Variants in RBFOX1 observed in about 807,000 individuals in gnomAD.
The protein encoded by RBFOX1 is RNA binding fox-1 homolog 1, also known as RNA binding protein fox-1 homolog 1.
Under a neutral mutation model 57.7 loss-of-function variants are expected in RBFOX1, and 8 were observed. The observed-to-expected ratio is 0.14, with a 90% CI of 0.08 to 0.25. The LOEUF (loss-of-function observed/expected upper bound fraction) is 0.25, where lower values mean the gene tolerates loss of function less well. RBFOX1 is among the 10% of genes least tolerant of loss of function. RBFOX1 has a pLI of 1.00. For synonymous variants in RBFOX1, 326 were observed against 222.4 expected (o/e 1.47, Z -4.15); for missense variants, 611 against 548.5 (o/e 1.11, Z -1.14).
chr16:7,170,607 T>A (rs1601754060), intron 4 of RBFOX1, among the ~76,000 whole-genome samples: 1 of 152,206 alleles, frequency 6.6e-6, no homozygotes, highest in South Asian at 2.1e-4. Context: ...GATCACCTGT[T>A]TAATTCTCAC....
chr16:5,299,419 G>A (rs1401284826), intron 1 of RBFOX1, among the ~76,000 whole-genome samples: 1 of 152,170 alleles, frequency 6.6e-6, no homozygotes, highest in African/African-American at 2.4e-5. Context: ...AACTTTGTGT[G>A]AACATATTCT....
rs371340930 is a variant in RBFOX1 at position 6,007,276 on chromosome 16, G to A, written c.351+139941G>A. Among the ~76,000 whole-genome samples the A allele has an allele frequency of 5.5e-4, 83 of 152,278 alleles. 1 individual carries two copies. Among genetic ancestry groups the A allele is most frequent in the African/African-American group, 1.5e-3 (64 of 41,558 alleles). ...AGTCATAAGAAGAAGTCAGTTTCCC[G>A]CTTGGATGCTTGCTCTCCTGCTCTA... On this transcript the variant is annotated intron_variant, in intron 4 of 19. Coordinates refer to the RBFOX1 transcript ENST00000641259.
At chr16:7,435,251 G>A (rs956697311) in intron 4 of RBFOX1, among the ~76,000 whole-genome samples, 3 of 151,658 alleles carry the variant, frequency 2.0e-5, no homozygotes, top group Non-Finnish European at 2.9e-5. Flanking sequence ...GTCTTTTTTG[G>A]AGTACTAAGC....
At position 7,136,473 on chromosome 16, in the gene RBFOX1, G is replaced by C. The variant is rs149495574; in HGVS notation, c.27+84375G>C. On this transcript the variant is annotated intron_variant, in intron 4 of 15. Coordinates refer to ENST00000550418, the MANE Select transcript of RBFOX1 (RefSeq NM_018723.4). ...CCAGGCTGGAGGGCAGTGGTGCAATGATGGTGCAATACAGCCTTAAACTCC... is the reference window on the plus strand; with the variant it reads ...CCAGGCTGGAGGGCAGTGGTGCAATCATGGTGCAATACAGCCTTAAACTCC... 7.9e-4 allele frequency among the ~76,000 whole-genome samples: 115 copies of C among 145,494 alleles called. 1 individual carries two copies. Among genetic ancestry groups the C allele is most frequent in the African/African-American group, 2.6e-3 (99 of 38,622 alleles).
At chr16:6,117,690 G>A (rs2096511581) in intron 1 of RBFOX1, among the ~76,000 whole-genome samples, 1 of 152,230 alleles carries the variant, frequency 6.6e-6, no homozygotes, top group African/African-American at 2.4e-5. Context: ...CCAGCCTCCA[G>A]AACTGTGAGA....
intron 3 of RBFOX1, among the ~76,000 whole-genome samples, chr16:5,636,201 A>G (rs1266215901): frequency 1.3e-5 from 2 of 152,120 alleles, no homozygotes; most frequent in Non-Finnish European, 2.9e-5. Context: ...TACAAAAATT[A>G]GCTGGGTATG....
chr16:6,775,010 A>T (rs1027318725), intron 3 of RBFOX1, among the ~76,000 whole-genome samples: 1 of 151,976 alleles, frequency 6.6e-6, no homozygotes, highest in Admixed American at 6.6e-5. Flanking sequence ...ATCTGTGTTC[A>T]TATCTTATAT....
intron 4 of RBFOX1, among the ~76,000 whole-genome samples, chr16:7,281,422 T>A (rs1477973850): frequency 1.3e-5 from 2 of 152,076 alleles, no homozygotes; most frequent in Non-Finnish European, 2.9e-5. Context: ...AACACTTGCC[T>A]GCTTTGTACT....
intron 3 of RBFOX1, among the ~76,000 whole-genome samples, chr16:5,856,615 A>T (rs1224086379): frequency 7.8e-6 from 1 of 128,114 alleles, no homozygotes; most frequent in Non-Finnish European, 1.6e-5. Flanking sequence ...AATCTTAGCC[A>T]GATCTTCTGG....
intron 1 of RBFOX1, among the ~76,000 whole-genome samples, chr16:5,352,479 C>G (rs183137587): frequency 3.9e-5 from 6 of 152,312 alleles, no homozygotes; most frequent in African/African-American, 1.2e-4. Flanking sequence ...CTTTTTCTTG[C>G]ACTCTCTGTC....
intron 1 of RBFOX1, chr16:6,093,018 C>A (rs973284137): frequency 1.3e-5 from 2 of 152,286 alleles, no homozygotes; most frequent in Non-Finnish European, 1.5e-5. Context: ...ATGTGAGATG[C>A]AATTTACCTG....
intron 3 of RBFOX1, among the ~76,000 whole-genome samples, chr16:6,979,839 G>T (rs1309009346): frequency 1.3e-5 from 2 of 152,168 alleles, no homozygotes; most frequent in Non-Finnish European, 2.9e-5. Context: ...TCAGGCTGGT[G>T]TTGGGCTCTG....
chr16:6,073,607 A>C (rs1359404734), intron 1 of RBFOX1, among the ~76,000 whole-genome samples: 1 of 152,236 alleles, frequency 6.6e-6, no homozygotes, highest in Non-Finnish European at 1.5e-5. Context: ...GTAAAATGAC[A>C]AATTTTTGGT....
intron 1 of RBFOX1, among the ~76,000 whole-genome samples, chr16:5,436,588 C>G (rs1383879026): frequency 6.6e-6 from 1 of 152,134 alleles, no homozygotes; most frequent in Non-Finnish European, 1.5e-5. Context: ...TTCGTGTAAT[C>G]CTAGCAGTTT....
chr16:6,534,319 A>T (rs1261021688), intron 2 of RBFOX1, among the ~76,000 whole-genome samples: 1 of 152,122 alleles, frequency 6.6e-6, no homozygotes, highest in Non-Finnish European at 1.5e-5. Context: ...AAGAGAAGTT[A>T]TCCACCAAAG....
At chr16:7,344,934 G>A (rs1568323785) in intron 4 of RBFOX1, among the ~76,000 whole-genome samples, 1 of 152,150 alleles carries the variant, frequency 6.6e-6, no homozygotes, top group East Asian at 1.9e-4. Flanking sequence ...TTTCTGATCA[G>A]TTTTTCCCCC....
At chr16:6,606,238 A>G (rs914532091) in intron 2 of RBFOX1, among the ~76,000 whole-genome samples, 1 of 152,182 alleles carries the variant, frequency 6.6e-6, no homozygotes, top group African/African-American at 2.4e-5. Flanking sequence ...CCTGTGAAGT[A>G]CTACTGCCTT....
intron 5 of RBFOX1, among the ~76,000 whole-genome samples, chr16:7,526,992 A>G (rs754230397): frequency 2.0e-5 from 3 of 152,068 alleles, no homozygotes; most frequent in Non-Finnish European, 4.4e-5. Flanking sequence ...GGAATTACTC[A>G]TTTCACCCTG....
chr16:7,282,209 G>A (rs1258128949), intron 4 of RBFOX1, among the ~76,000 whole-genome samples: 2 of 152,200 alleles, frequency 1.3e-5, no homozygotes, highest in Admixed American at 6.5e-5. Flanking sequence ...ACCACTCACC[G>A]CCCCAAACCC....
Sources: gnomAD v4.1 joint callset for allele counts (sites outside exome capture counted in the v4.1 genomes callset) on GRCh38, gnomAD v4.1.1 for gene constraint, MANE v1.5 for transcripts, NCBI Gene and HGNC (gene_info 2026-07-23, HGNC 2026-07-21) for gene names.